C10orf67: variants seen among roughly 807,000 people sequenced by gnomAD.
C10orf67 encodes the protein uncharacterized protein C10orf67, mitochondrial.
In C10orf67, 60 loss-of-function variants were observed where a neutral mutation model predicts 35.6. The observed-to-expected ratio is 1.68, with a 90% CI of 1.37 to 2.09. The LOEUF is 2.09. Ranked by LOEUF, C10orf67 falls within the 30% of genes most tolerant of loss-of-function variation. C10orf67 has a pLI of 0.00. For synonymous variants in C10orf67, 167 were observed against 115.8 expected, an observed-to-expected ratio of 1.44 and a Z score of -2.84; for missense variants, 474 against 330.2, an observed-to-expected ratio of 1.44 and a Z score of -3.38.
chr10:23,331,792 T>C (rs1247981864), intron 2 of C10orf67, among the ~76,000 whole-genome samples: 4 of 152,030 alleles, frequency 2.6e-5, no homozygotes. Flanking sequence ...GTGAACCGTG[T>C]CTCAAAGAAG....
chr10:23,259,210 G>A (rs144767692), intron 10 of C10orf67, among the ~76,000 whole-genome samples: 159 of 152,260 alleles, frequency 1.0e-3, no homozygotes, highest in African/African-American at 3.7e-3. Flanking sequence ...CCAATAGACT[G>A]GGCAGCATAC....
chr10:23,271,439 A>G (rs1211630375), intron 8 of C10orf67, among the ~76,000 whole-genome samples: 1 of 152,260 alleles, frequency 6.6e-6, no homozygotes, highest in Non-Finnish European at 1.5e-5. Context: ...AATACCAAGG[A>G]GTGGGATAGC....
At chr10:23,275,872 C>T (rs1162553002) in intron 8 of C10orf67, among the ~76,000 whole-genome samples, 2 of 152,162 alleles carry the variant, frequency 1.3e-5, no homozygotes, top group Non-Finnish European at 2.9e-5. Flanking sequence ...GCTCACTTGA[C>T]AAGTTTTCCC....
intron 2 of C10orf67, 82 bp from the exon 3 acceptor site, chr10:23,322,619 G>A: frequency 1.1e-6 from 1 of 880,036 alleles, no homozygotes; most frequent in South Asian, 1.7e-5. Flanking sequence ...TGCTAAGTGG[G>A]AGCAAAATGA....
intron 10 of C10orf67, among the ~76,000 whole-genome samples, chr10:23,251,773 T>C (rs1448559989): frequency 6.6e-6 from 1 of 152,206 alleles, no homozygotes; most frequent in Non-Finnish European, 1.5e-5. Context: ...TTTCTTTTCA[T>C]GTGTCCCAAT....
At position 23,274,390 on chromosome 10, in the gene C10orf67, C is replaced by T. The variant is rs148671488; in HGVS notation, c.976-7136G>A. Among the ~76,000 whole-genome samples, 442 of 152,234 alleles carry T rather than the reference C, an allele frequency of 2.9e-3. 2 individuals carry two copies. The highest frequency in any genetic ancestry group is 0.01 in the African/African-American group (416 of 41,532). Reference sequence around the variant, plus strand: ...CCAGGGCGTATTTCATCCCTTATCTCAACAGCATAAGACAGACACTCCCAG... The same window carrying T: ...CCAGGGCGTATTTCATCCCTTATCTTAACAGCATAAGACAGACACTCCCAG... On this transcript the variant is annotated intron_variant, in intron 8 of 15. Transcript: ENST00000636213.
intron 13 of C10orf67, among the ~76,000 whole-genome samples, chr10:23,227,597 G>C (rs952699757): frequency 1.3e-5 from 2 of 152,110 alleles, no homozygotes; most frequent in African/African-American, 4.8e-5. Context: ...GGGCAATCAG[G>C]CAGGAGAAAG....
chr10:23,274,783 C>T (rs1843135542), intron 8 of C10orf67, among the ~76,000 whole-genome samples: 2 of 151,952 alleles, frequency 1.3e-5, no homozygotes, highest in South Asian at 4.2e-4. Context: ...AAATCCTATG[C>T]CTAGGATTTA....
intron 8 of C10orf67, among the ~76,000 whole-genome samples, chr10:23,268,286 C>A (rs1021073246): frequency 1.3e-5 from 2 of 152,038 alleles, no homozygotes; most frequent in African/African-American, 4.8e-5. Context: ...CAGAGTGAGA[C>A]CCTGACTTCA....
chr10:23,295,112 T>C (rs1234470548), intron 5 of C10orf67, among the ~76,000 whole-genome samples: 2 of 152,180 alleles, frequency 1.3e-5, no homozygotes, highest in Non-Finnish European at 2.9e-5. Context: ...GAGAAATCCA[T>C]ACACCCCGTT....
chr10:23,264,034 C>T lies in C10orf67; in HGVS notation c.1200+2228G>A, dbSNP rs912731923. 2.0e-5 allele frequency among the ~76,000 whole-genome samples: 3 copies of T among 152,122 alleles called. No individual in the cohort carries two copies. In the South Asian group the frequency reaches 6.2e-4, roughly 32 times the overall value. On this transcript the variant is annotated intron_variant, in intron 10 of 15. Coordinates refer to ENST00000636213, the MANE Select transcript of C10orf67 (RefSeq NM_001371909.1). ...AAAAATAAGTATGATTAATTAGATA[C>T]GTTAAATGACTGATGTACAAAGTTC...
At chr10:23,310,137 A>G (rs914545028) in intron 4 of C10orf67, among the ~76,000 whole-genome samples, 4 of 152,146 alleles carry the variant, frequency 2.6e-5, no homozygotes, top group African/African-American at 9.7e-5. Context: ...CATAGTTCTC[A>G]CCTTTTAGGA....
At chr10:23,250,273 A>G (rs961983678) in intron 12 of C10orf67, among the ~76,000 whole-genome samples, 182 bp downstream of exon 12, 1 of 152,216 alleles carries the variant, frequency 6.6e-6, no homozygotes. Flanking sequence ...AACATCTTGA[A>G]TGATTTTACT....
chr10:23,282,081 G>T lies in C10orf67; in HGVS notation c.910-3C>A. 1 of 546,692 alleles carries T rather than the reference G, an allele frequency of 1.8e-6. No individual in the cohort carries two copies. Among genetic ancestry groups the T allele is most frequent in the South Asian group, 2.9e-5 (1 of 34,894 alleles). 33.9% of individuals were successfully genotyped at this position (546,692 alleles called of 1,614,324 possible). The stretch of plus-strand genomic sequence containing the variant: ...AATCTGTCTCTACTATCCATTAACT[G>T]AAATAGAGAAGAAATTATATTTTTA... On this transcript the variant is annotated splice_polypyrimidine_tract_variant and splice_region_variant and intron_variant, in intron 7 of 15. Transcript: ENST00000636213.
chr10:23,314,824 A>G (rs2132317185), intron 4 of C10orf67, among the ~76,000 whole-genome samples: 1 of 152,298 alleles, frequency 6.6e-6, no homozygotes, highest in South Asian at 2.1e-4. Flanking sequence ...AGCAAGACAG[A>G]TACTACCCTT....
chr10:23,257,202 C>T (rs544807535), intron 10 of C10orf67, among the ~76,000 whole-genome samples: 1 of 152,276 alleles, frequency 6.6e-6, no homozygotes, highest in Admixed American at 6.5e-5. Flanking sequence ...ACTTCAGATA[C>T]AAGGCGAGTG....
chr10:23,314,839 G>A (rs1051898186), intron 4 of C10orf67, among the ~76,000 whole-genome samples: 1 of 151,998 alleles, frequency 6.6e-6, no homozygotes, highest in Non-Finnish European at 1.5e-5. Context: ...ACCCTTTTAT[G>A]TAACATAATT....
chr10:23,282,541 T>A (rs1370677238), intron 7 of C10orf67, among the ~76,000 whole-genome samples: 1 of 152,152 alleles, frequency 6.6e-6, no homozygotes, highest in East Asian at 1.9e-4. Flanking sequence ...GGCAGGAGGA[T>A]TGCTTGAGGC....
intron 13 of C10orf67, among the ~76,000 whole-genome samples, chr10:23,225,990 G>A (rs1034802184): frequency 1.3e-5 from 2 of 151,942 alleles, no homozygotes; most frequent in Non-Finnish European, 2.9e-5. Flanking sequence ...AATAATAATG[G>A]GAGACTTTAA....
Sources: allele counts gnomAD v4.1 joint callset (sites outside exome capture counted in the v4.1 genomes callset), GRCh38; gene constraint gnomAD v4.1.1; transcripts MANE v1.5; gene names NCBI Gene and HGNC (gene_info 2026-07-23, HGNC 2026-07-21).